Variants in FRMD5 observed in about 807,000 individuals in gnomAD.
FRMD5 encodes FERM domain-containing protein 5.
Under a neutral mutation model 69.0 loss-of-function variants are expected in FRMD5, and 20 were observed. That is an observed-to-expected ratio of 0.29 (90% CI 0.20 to 0.42). The LOEUF is 0.42. Ranked by LOEUF, FRMD5 falls within the 10% of genes least tolerant of loss-of-function variation. The pLI, the probability that FRMD5 is intolerant of heterozygous loss-of-function variation, is 1.00. For missense variants in FRMD5, 595 were observed against 708.6 expected, an observed-to-expected ratio of 0.84 and a Z score of 1.82; for synonymous variants, 271 against 260.1, an observed-to-expected ratio of 1.04 and a Z score of -0.40.
chr15:44,095,717 T>C (rs1257588768), intron 1 of FRMD5, among the ~76,000 whole-genome samples: 5 of 152,160 alleles, frequency 3.3e-5, no homozygotes, highest in Non-Finnish European at 7.3e-5. Context: ...GTTCAGTTAC[T>C]TTATTCCCTC....
intron 1 of FRMD5, among the ~76,000 whole-genome samples, chr15:44,136,684 C>A (rs576587819): frequency 1.8e-4 from 27 of 152,228 alleles, no homozygotes; most frequent in African/African-American, 6.5e-4. Flanking sequence ...CTAATAAACA[C>A]TGCCTTCTTT....
intron 1 of FRMD5, among the ~76,000 whole-genome samples, chr15:43,926,146 G>T (rs2089581606): frequency 1.3e-5 from 2 of 152,168 alleles, no homozygotes; most frequent in Admixed American, 6.5e-5. Context: ...TCACAAAATG[G>T]TGAAAAGCTA....
chr15:43,898,813 A>G (rs1300363171), intron 7 of FRMD5, among the ~76,000 whole-genome samples: 1 of 152,264 alleles, frequency 6.6e-6, no homozygotes, highest in Non-Finnish European at 1.5e-5. Flanking sequence ...AATGCAGGAC[A>G]GCCTTGTCCT....
intron 1 of FRMD5, among the ~76,000 whole-genome samples, chr15:44,049,512 T>C (rs1270618416): frequency 1.3e-5 from 2 of 152,226 alleles, no homozygotes; most frequent in Non-Finnish European, 2.9e-5. Context: ...ATAAATAATA[T>C]ATTTGTTGAG....
At position 43,885,677 on chromosome 15, in the gene FRMD5, T is replaced by C; in HGVS notation, c.959+4A>G. The C allele has an allele frequency of 6.2e-7, 1 of 1,612,160 alleles. No homozygotes were observed. Among genetic ancestry groups the C allele is most frequent in the East Asian group, 2.2e-5 (1 of 44,876 alleles). Reference sequence around the variant, plus strand: ...CATAATGGTTACTTACTGTCACTATTTACCTGTATCGGAACCGGCTCCCTT... The same window carrying C: ...CATAATGGTTACTTACTGTCACTATCTACCTGTATCGGAACCGGCTCCCTT... On this transcript the variant is annotated splice_donor_region_variant and intron_variant, in intron 11 of 13. Transcript: ENST00000417257.
Position 43,982,283 on chromosome 15 carries a change from T to C in FRMD5, c.103-57974A>G, listed in dbSNP as rs76550187. ...ATGGGGTTCTGGGTTGCCAGGGGCA[T>C]TGTCTGATATCAGAAGAACTTTAAA... On this transcript the variant is annotated intron_variant, in intron 1 of 13. Transcript: ENST00000417257. Among the ~76,000 whole-genome samples, 1,131 of 152,346 alleles carry C rather than the reference T, an allele frequency of 7.4e-3. 22 individuals are homozygous for C. Among genetic ancestry groups the C allele is most frequent in the African/African-American group, 0.026 (1,082 of 41,592 alleles).
At chr15:43,969,082 C>T (rs974018921) in intron 1 of FRMD5, among the ~76,000 whole-genome samples, 2 of 150,878 alleles carry the variant, frequency 1.3e-5, no homozygotes, top group African/African-American at 4.9e-5. Flanking sequence ...TTTAAATTGC[C>T]TTCATTCTTT....
At chr15:44,112,890 C>A (rs1476037614) in intron 1 of FRMD5, among the ~76,000 whole-genome samples, 1 of 152,024 alleles carries the variant, frequency 6.6e-6, no homozygotes, top group East Asian at 1.9e-4. Flanking sequence ...CCACCACACT[C>A]GGCCACCTTC....
chr15:43,879,526 G>C (rs1327505625), intron 13 of FRMD5: 1 of 398,926 alleles, frequency 2.5e-6, no homozygotes, highest in Non-Finnish European at 4.4e-6. Context: ...TGATTCCCTT[G>C]CCCGGGGGTC....
At chr15:44,157,256 C>T (rs923893992) in intron 1 of FRMD5, among the ~76,000 whole-genome samples, 5 of 152,170 alleles carry the variant, frequency 3.3e-5, no homozygotes, top group Admixed American at 3.3e-4. Context: ...TGTCAATGAA[C>T]ACTTATCTTC....
In FRMD5 at chr15:43,873,123, A is replaced by G; in HGVS notation, c.*762T>C. On this transcript the variant is annotated 3_prime_UTR_variant, in exon 14 of 14. Transcript: ENST00000417257. ...ACGTTAAGTCTAGTTTCATTATACA[A>G]AACTATGGTGATGCCCACTAGGCTC... is the stretch of plus-strand genomic sequence containing the variant. 1 of 1,500,478 alleles carries G rather than the reference A, an allele frequency of 6.7e-7. No individual in the cohort carries two copies. Among genetic ancestry groups the G allele is most frequent in the East Asian group, 2.5e-5 (1 of 40,684 alleles). 92.9% of individuals were successfully genotyped at this position (1,500,478 alleles called of 1,614,324 possible). A position where few individuals can be genotyped will look rare whatever the true frequency, so the allele number is the denominator to read the frequency against.
At chr15:44,074,597 A>AC (rs953800280) in intron 1 of FRMD5, among the ~76,000 whole-genome samples, 4 of 150,892 alleles carry the variant, frequency 2.7e-5, no homozygotes, top group Non-Finnish European at 5.9e-5. Flanking sequence ...TCCGCACCTC[A>AC]CCCCCCGGGT....
chr15:43,914,229 C>G (rs1192086946), intron 4 of FRMD5, among the ~76,000 whole-genome samples: 35 of 152,180 alleles, frequency 2.3e-4, no homozygotes, highest in Admixed American at 2.3e-3. Flanking sequence ...AGGCTGTGAA[C>G]TCTGGAAAGC....
intron 1 of FRMD5, among the ~76,000 whole-genome samples, chr15:44,111,770 G>A (rs2076799421): frequency 6.6e-6 from 1 of 152,092 alleles, no homozygotes; most frequent in South Asian, 2.1e-4. Context: ...ATTGGTTGGT[G>A]ACAGTCACCA....
At chr15:43,962,830 T>C (rs1157827042) in intron 1 of FRMD5, among the ~76,000 whole-genome samples, 3 of 152,224 alleles carry the variant, frequency 2.0e-5, no homozygotes, top group Admixed American at 6.5e-5. Flanking sequence ...TAATAGATGG[T>C]GGTGGGAAAA....
At chr15:43,912,499 T>TA (rs2089306952) in intron 4 of FRMD5, among the ~76,000 whole-genome samples, 1 of 152,006 alleles carries the variant, frequency 6.6e-6, no homozygotes, top group Non-Finnish European at 1.5e-5. Context: ...TTTTGCCCCT[T>TA]ACTCACTGAT....
chr15:44,038,520 C>CTTTTTTTTTT (rs71111834), intron 1 of FRMD5, among the ~76,000 whole-genome samples: 4,119 of 63,070 alleles, frequency 0.065, 1,277 homozygotes, highest in East Asian at 0.087. Flanking sequence ...CTAGCCAGAG[C>CTTTTTTTTTT]TTTTTTTTTT....
At chr15:43,973,441 C>T (rs967140218) in intron 1 of FRMD5, among the ~76,000 whole-genome samples, 1 of 151,670 alleles carries the variant, frequency 6.6e-6, no homozygotes, top group East Asian at 1.9e-4. Flanking sequence ...TATCTCCGCT[C>T]ACTGGAACCT....
chr15:43,887,780 A>T (rs2088698027), intron 10 of FRMD5, among the ~76,000 whole-genome samples: 1 of 152,220 alleles, frequency 6.6e-6, no homozygotes, highest in Non-Finnish European at 1.5e-5. Flanking sequence ...CCCCAGGTAG[A>T]ATATACCACA....
Sources: allele counts gnomAD v4.1 joint callset (sites outside exome capture counted in the v4.1 genomes callset), GRCh38; gene constraint gnomAD v4.1.1; transcripts MANE v1.5; gene names NCBI Gene and HGNC (gene_info 2026-07-23, HGNC 2026-07-21).